Variants in NEO1 observed in about 807,000 individuals in gnomAD.
The protein encoded by NEO1 is neogenin.
NEO1 carries 63 observed loss-of-function variants against 159.7 expected under a neutral mutation model. The observed-to-expected ratio is 0.39, with a 90% confidence interval of 0.32 to 0.49. NEO1 has a LOEUF of 0.49. Ranked by LOEUF, NEO1 falls within the 20% of genes least tolerant of loss-of-function variation. The pLI, the probability that NEO1 is intolerant of heterozygous loss-of-function variation, is 0.85. For missense variants in NEO1, 1,615 were observed against 1,831.0 expected (o/e 0.88, Z 2.15); for synonymous variants, 633 against 662.0 (o/e 0.96, Z 0.67).
intron 11 of NEO1, among the ~76,000 whole-genome samples, chr15:73,250,521 G>A (rs1012531774): frequency 4.6e-5 from 7 of 152,098 alleles, no homozygotes; most frequent in African/African-American, 1.2e-4. Context: ...CTGACATCAC[G>A]TGCCCCCTTA....
chr15:73,089,996 A>G (rs952071390), intron 1 of NEO1, among the ~76,000 whole-genome samples: 6 of 152,046 alleles, frequency 3.9e-5, no homozygotes, highest in African/African-American at 1.4e-4. Context: ...AGAGCATTTT[A>G]TTTTACTCTC....
chr15:73,242,064 G>C (rs1318766757), intron 8 of NEO1, among the ~76,000 whole-genome samples: 4 of 152,182 alleles, frequency 2.6e-5, no homozygotes, highest in Admixed American at 2.0e-4. Context: ...ACACGAACAT[G>C]AATGAGACAG....
chr15:73,143,585 C>G (rs1383427664), intron 5 of NEO1: 3 of 152,800 alleles, frequency 2.0e-5, no homozygotes, highest in Non-Finnish European at 4.4e-5. Context: ...TTCCCAGGCT[C>G]TGCCTCATCC....
At chr15:73,163,839 G>A (rs1716113977) in intron 5 of NEO1, among the ~76,000 whole-genome samples, 1 of 151,840 alleles carries the variant, frequency 6.6e-6, no homozygotes. Flanking sequence ...AAATCATTGG[G>A]GTCCCTCCCC....
chr15:73,097,776 CTTTTTTTTTT>C (rs34165169), intron 1 of NEO1, among the ~76,000 whole-genome samples: 6 of 75,554 alleles, frequency 7.9e-5, no homozygotes, highest in African/African-American at 3.4e-4. Context: ...TGGAACTAGC[CTTTTTTTTTT>C]TTTTTTTTTT....
chr15:73,288,199 T>C (rs1246371452), intron 23 of NEO1, 114 bp from the exon 24 acceptor site: 2 of 910,714 alleles, frequency 2.2e-6, no homozygotes, highest in Non-Finnish European at 3.4e-6. Context: ...TTTTTAGTTT[T>C]TGCTTTTTTT....
chr15:73,225,660 C>G (rs1262761061), intron 7 of NEO1, among the ~76,000 whole-genome samples: 1 of 152,126 alleles, frequency 6.6e-6, no homozygotes, highest in Non-Finnish European at 1.5e-5. Context: ...TCTAACAGCC[C>G]CGAGTCTGCC....
At chr15:73,088,714 G>A (rs1480693691) in intron 1 of NEO1, among the ~76,000 whole-genome samples, 1 of 151,990 alleles carries the variant, frequency 6.6e-6, no homozygotes, top group Non-Finnish European at 1.5e-5. Context: ...GAGTTAAGGG[G>A]CAGTAGTCTC....
At chr15:73,151,334 C>G (rs1391108671) in intron 5 of NEO1, among the ~76,000 whole-genome samples, 1 of 152,060 alleles carries the variant, frequency 6.6e-6, no homozygotes, top group African/African-American at 2.4e-5. Flanking sequence ...TTAAAGTGTT[C>G]TGTCAGGAAA....
chr15:73,132,885 A>T (rs1250935757), intron 4 of NEO1, among the ~76,000 whole-genome samples: 1 of 152,132 alleles, frequency 6.6e-6, no homozygotes, highest in African/African-American at 2.4e-5. Context: ...AAAGTAATAG[A>T]TGTTGATGTG....
At chr15:73,269,865 T>A (rs1056333901) in intron 16 of NEO1, 145 bp from the exon 17 acceptor site, 1 of 701,978 alleles carries the variant, frequency 1.4e-6, no homozygotes, top group African/African-American at 1.8e-5. Context: ...TTTAAATGAA[T>A]GGTGGTTATC....
intron 4 of NEO1, among the ~76,000 whole-genome samples, chr15:73,134,294 A>G (rs1238473462): frequency 6.6e-6 from 1 of 152,138 alleles, no homozygotes; most frequent in Non-Finnish European, 1.5e-5. Flanking sequence ...TCTGATAGGA[A>G]GGTTGCTTGA....
chr15:73,109,583 G>A (rs2070864003), intron 1 of NEO1, among the ~76,000 whole-genome samples: 1 of 151,908 alleles, frequency 6.6e-6, no homozygotes, highest in African/African-American at 2.4e-5. Flanking sequence ...TTTTATTTGG[G>A]GGAGTGGTTG....
rs1329441498 is a variant in NEO1, at chr15:73,052,767, C to T, written c.92C>T (p.Ala31Val). ...CTGCTCGGGCGCCGGGCGCCGGGCGCCGCGGCCGCCAGGAGCGGCTCCGCG... is the reference window on the plus strand; with the variant it reads ...CTGCTCGGGCGCCGGGCGCCGGGCGTCGCGGCCGCCAGGAGCGGCTCCGCG... Reference protein sequence around the residue: ...LLLLGRRAPGAAAARSGSAPQ... With the variant: ...LLLLGRRAPGVAAARSGSAPQ... Residue 31 changes from alanine to valine, a missense_variant, in exon 1 of 29, where the codon GCC becomes GTC. By Grantham distance (64) the Ala-to-Val change is moderately conservative. Around this residue, in one of 3 missense-constraint regions of NEO1, gnomAD observed 1,018 missense variants for 1,115.4 expected, o/e 0.91. Coordinates refer to ENST00000261908, the MANE Select transcript of NEO1 (RefSeq NM_002499.4). 2.4e-6 allele frequency: 3 copies of T among 1,253,696 alleles called. No individual in the cohort carries two copies. Among genetic ancestry groups the T allele is most frequent in the Admixed American group, 3.6e-5 (1 of 28,142 alleles). The allele number at this position is 1,253,696 out of a possible 1,614,324, so 77.7% of individuals were successfully genotyped here.
intron 5 of NEO1, among the ~76,000 whole-genome samples, chr15:73,168,301 A>G (rs1017770243): frequency 1.4e-5 from 2 of 145,292 alleles, no homozygotes; most frequent in African/African-American, 5.1e-5. Context: ...CTCCTGCCTC[A>G]GCCTCCCAAG....
chr15:73,080,081 G>A (rs2068964895), intron 1 of NEO1, among the ~76,000 whole-genome samples: 1 of 152,122 alleles, frequency 6.6e-6, no homozygotes, highest in Non-Finnish European at 1.5e-5. Context: ...AACTGTTCCT[G>A]GGGGAGACCT....
At chr15:73,076,319 C>T (rs1463472760) in intron 1 of NEO1, among the ~76,000 whole-genome samples, 1 of 152,062 alleles carries the variant, frequency 6.6e-6, no homozygotes, top group Non-Finnish European at 1.5e-5. Flanking sequence ...ATAATTTTTA[C>T]CCTGCTCTTA....
intron 5 of NEO1, among the ~76,000 whole-genome samples, chr15:73,174,008 A>G (rs2035133474): frequency 6.6e-6 from 1 of 151,812 alleles, no homozygotes; most frequent in Admixed American, 6.6e-5. Context: ...GCTGAGGTAC[A>G]AGAATCGCTT....
intron 11 of NEO1, among the ~76,000 whole-genome samples, chr15:73,252,693 A>G (rs990816519): frequency 1.1e-4 from 17 of 152,288 alleles, no homozygotes; most frequent in African/African-American, 4.1e-4. Flanking sequence ...GTCTGCCAAG[A>G]TAAAGATAGA....
Sources: allele counts gnomAD v4.1 joint callset (sites outside exome capture counted in the v4.1 genomes callset), GRCh38; gene constraint gnomAD v4.1.1; regional missense constraint gnomAD v4.1.1; transcripts MANE v1.5; gene names NCBI Gene and HGNC (gene_info 2026-07-23, HGNC 2026-07-21).